ZNF536: variants seen among roughly 807,000 people sequenced by gnomAD.
ZNF536 encodes the protein zinc finger protein 536.
ZNF536 carries 13 observed loss-of-function variants against 84.5 expected under a neutral mutation model. The observed-to-expected ratio is 0.15, with a 90% CI of 0.10 to 0.24. The LOEUF (loss-of-function observed/expected upper bound fraction) is 0.24. Ranked by LOEUF, ZNF536 falls within the 10% of genes least tolerant of loss-of-function variation. The probability of loss-of-function intolerance (pLI) is 1.00; values close to 1 mark genes in which losing one functional copy is unlikely to be tolerated. For missense variants in ZNF536, 1,536 were observed against 1,747.5 expected (o/e 0.88, Z 2.16); for synonymous variants, 811 against 742.5 (o/e 1.09, Z -1.50).
At chr19:30,472,284 AT>A (rs35725954) in intron 2 of ZNF536, among the ~76,000 whole-genome samples, 28,268 of 152,104 alleles carry the variant, frequency 0.19, 3,133 homozygotes, top group African/African-American at 0.3. Context: ...TTGCATGCAA[AT>A]TTTGACATTG....
intron 2 of ZNF536, among the ~76,000 whole-genome samples, chr19:30,298,304 C>T (rs4361041): frequency 0.23 from 35,405 of 152,112 alleles, 5,034 homozygotes; most frequent in East Asian, 0.54. Context: ...ACTCAAGACC[C>T]TTGGTTGCAA....
At chr19:30,693,947 A>G (rs563336531) in intron 1 of ZNF536, among the ~76,000 whole-genome samples, 2 of 152,298 alleles carry the variant, frequency 1.3e-5, no homozygotes, top group Middle Eastern at 3.4e-3. Context: ...TGCTCCCGCG[A>G]CACTGTTTTT....
chr19:30,437,160 T>A (rs1167130634), intron 1 of ZNF536, among the ~76,000 whole-genome samples: 1 of 152,220 alleles, frequency 6.6e-6, no homozygotes, highest in South Asian at 2.1e-4. Flanking sequence ...AGATTACTTT[T>A]TTTTTTCTGT....
At chr19:30,574,006 A>G (rs766469774) in intron 1 of ZNF536, among the ~76,000 whole-genome samples, 2 of 152,172 alleles carry the variant, frequency 1.3e-5, no homozygotes, top group African/African-American at 4.8e-5. Flanking sequence ...TCAAATAAAT[A>G]GCTGTTTCTG....
intron 1 of ZNF536, among the ~76,000 whole-genome samples, chr19:30,693,049 A>AGAGAGAGT (rs1555840299): frequency 6.7e-6 from 1 of 148,978 alleles, no homozygotes; most frequent in Admixed American, 6.7e-5. Context: ...AGAGAGAGAG[A>AGAGAGAGT]GTGTGTGTAT....
intron 3 of ZNF536, among the ~76,000 whole-genome samples, chr19:30,354,982 C>T (rs1395259452): frequency 6.6e-6 from 1 of 152,210 alleles, no homozygotes; most frequent in Non-Finnish European, 1.5e-5. Context: ...TGCTTCTCTT[C>T]ATCAATGCCC....
At chr19:30,264,930 C>CGTGTGTGT (rs71333450) in intron 1 of ZNF536, among the ~76,000 whole-genome samples, 37 of 135,698 alleles carry the variant, frequency 2.7e-4, no homozygotes, top group South Asian at 5.5e-4. Flanking sequence ...TGTCAATAGT[C>CGTGTGTGT]GTGTGTGTGT....
chr19:30,488,221 G>A (rs1386813354), intron 2 of ZNF536, among the ~76,000 whole-genome samples: 1 of 152,208 alleles, frequency 6.6e-6, no homozygotes, highest in Non-Finnish European at 1.5e-5. Context: ...GGACCCAGAT[G>A]TATCTCTCTA....
At chr19:30,535,834 C>CTA (rs1015127454) in intron 3 of ZNF536, among the ~76,000 whole-genome samples, 3 of 152,156 alleles carry the variant, frequency 2.0e-5, no homozygotes, top group African/African-American at 7.2e-5. Context: ...AATATGCCAT[C>CTA]TATTTTCAAA....
At chr19:30,712,073 C>A (rs779537204) in exon 2 of ZNF536, 2 of 151,924 alleles carry the variant, frequency 1.3e-5, no homozygotes, top group South Asian at 2.1e-4. Flanking sequence ...ATCTAAACAT[C>A]GTGCTCTCTA....
intron 1 of ZNF536, among the ~76,000 whole-genome samples, chr19:30,252,114 C>G (rs4805535): frequency 1.3e-5 from 2 of 152,142 alleles, no homozygotes; most frequent in Non-Finnish European, 2.9e-5. Context: ...AACAAACAAT[C>G]CCAACAAAAA....
chr19:30,493,941 G>A (rs759902219), intron 2 of ZNF536, among the ~76,000 whole-genome samples: 2 of 152,086 alleles, frequency 1.3e-5, no homozygotes, highest in Non-Finnish European at 2.9e-5. Context: ...AGAGAGCAAT[G>A]GCTGCACAGA....
chr19:30,282,854 C>A (rs1396230090), intron 1 of ZNF536, among the ~76,000 whole-genome samples: 2 of 152,200 alleles, frequency 1.3e-5, no homozygotes. Context: ...GATGTAATTT[C>A]TTTCCGTGTT....
intron 1 of ZNF536, among the ~76,000 whole-genome samples, chr19:30,640,256 A>G (rs946514114): frequency 6.6e-6 from 1 of 150,944 alleles, no homozygotes; most frequent in East Asian, 1.9e-4. Flanking sequence ...CTGTCTCAAG[A>G]AAAAAAAAAT....
chr19:30,462,290 T>G (rs2053173902), intron 2 of ZNF536, among the ~76,000 whole-genome samples: 1 of 145,970 alleles, frequency 6.9e-6, no homozygotes, highest in Admixed American at 6.8e-5. Flanking sequence ...TTTCTTGTGA[T>G]TTTGTGTGTG....
chr19:30,317,487 G>A (rs1600196735), intron 2 of ZNF536, among the ~76,000 whole-genome samples: 1 of 152,214 alleles, frequency 6.6e-6, no homozygotes, highest in Non-Finnish European at 1.5e-5. Flanking sequence ...TGGCCTGGCT[G>A]GAAGTCCAGC....
intron 1 of ZNF536, among the ~76,000 whole-genome samples, chr19:30,666,741 G>T (rs1222766366): frequency 6.6e-6 from 1 of 151,140 alleles, no homozygotes; most frequent in East Asian, 1.9e-4. Context: ...TTTTCTCTGT[G>T]TGTATATATA....
chr19:30,291,479 A>G (rs549513263), intron 2 of ZNF536, among the ~76,000 whole-genome samples: 1 of 152,250 alleles, frequency 6.6e-6, no homozygotes, highest in Non-Finnish European at 1.5e-5. Flanking sequence ...GTCTGTATAA[A>G]TGTCTTCTTT....
intron 4 of ZNF536, chr19:30,556,737 A>G (rs756178520): frequency 1.7e-4 from 26 of 156,998 alleles, no homozygotes; most frequent in Middle Eastern, 3.2e-3. Context: ...TACTGGCTGA[A>G]TCAACAGGGC....
Sources: gnomAD v4.1 joint callset for allele counts (sites outside exome capture counted in the v4.1 genomes callset) on GRCh38, gnomAD v4.1.1 for gene constraint, MANE v1.5 for transcripts, NCBI Gene and HGNC (gene_info 2026-07-23, HGNC 2026-07-21) for gene names.